The following ARAP2 variants were observed in gnomAD, a reference collection of about 807,000 sequenced individuals.
The protein encoded by ARAP2 is arf-GAP with Rho-GAP domain, ANK repeat and PH domain-containing protein 2.
ARAP2 carries 148 observed loss-of-function variants against 194.5 expected under a neutral mutation model. The observed-to-expected ratio is 0.76, with a 90% CI of 0.67 to 0.87. The LOEUF (loss-of-function observed/expected upper bound fraction) is 0.87, where lower values mean the gene tolerates loss of function less well. Ranked by LOEUF, ARAP2 falls within the 40% of genes least tolerant of loss-of-function variation. ARAP2 has a pLI of 0.00. For synonymous variants in ARAP2, 695 were observed against 683.5 expected, an observed-to-expected ratio of 1.02 and a Z score of -0.26; for missense variants, 2,128 against 1,989.7, an observed-to-expected ratio of 1.07 and a Z score of -1.32.
At chr4:36,144,737 T>C (rs1729213271) in intron 19 of ARAP2, among the ~76,000 whole-genome samples, 2 of 151,882 alleles carry the variant, frequency 1.3e-5, no homozygotes, top group Admixed American at 6.6e-5. Context: ...TATTTAGCTA[T>C]ATTTTTATAT....
At chr4:36,151,299 A>G (rs1730916032) in intron 15 of ARAP2, among the ~76,000 whole-genome samples, 1 of 152,240 alleles carries the variant, frequency 6.6e-6, no homozygotes, top group Non-Finnish European at 1.5e-5. Flanking sequence ...GAGAAGGCAG[A>G]GCTGTAAAGA....
At chr4:36,063,723 G>T (rs755931310), downstream of ARAP2, among the ~76,000 whole-genome samples, 1 of 152,110 alleles carries the variant, frequency 6.6e-6, no homozygotes, top group Non-Finnish European at 1.5e-5. Context: ...CTTGTTCCTT[G>T]TTCCACCTCC....
chr4:36,117,398 A>G (rs764328772), intron 24 of ARAP2, among the ~76,000 whole-genome samples: 31 of 151,716 alleles, frequency 2.0e-4, no homozygotes, highest in Non-Finnish European at 3.2e-4. Flanking sequence ...AGTACTCTCA[A>G]ATACCTTACA....
At position 36,124,938 on chromosome 4, in the gene ARAP2, T is replaced by C; in HGVS notation, c.3670A>G (p.Lys1224Glu). 6.2e-7 allele frequency: 1 copy of C among 1,610,572 alleles called. No homozygotes were observed. Among genetic ancestry groups the C allele is most frequent in the Non-Finnish European group, 8.5e-7 (1 of 1,177,864 alleles). Residue 1224 changes from lysine (K) to glutamate (E), a missense_variant, in exon 22 of 33, where the codon AAA becomes GAA. Transcript: ENST00000303965. ...AGAGAACGTATAAATGCTCCATATT[T>C]TTTAATTCTTTCCTTGTCATCTTGC... ...DTQDDKERIKKYGAFIRSLPG... is the reference protein window; with the variant it reads ...DTQDDKERIKEYGAFIRSLPG...
chr4:36,145,308 G>GA (rs1266346924), intron 19 of ARAP2, among the ~76,000 whole-genome samples: 4 of 151,934 alleles, frequency 2.6e-5, no homozygotes. Context: ...ACGGGCTAAG[G>GA]AAAATGTCGT....
intron 2 of ARAP2, among the ~76,000 whole-genome samples, chr4:36,221,109 G>T (rs1460296436): frequency 2.0e-5 from 3 of 151,830 alleles, no homozygotes; most frequent in Non-Finnish European, 4.4e-5. Flanking sequence ...ATCTACTATT[G>T]TCTTACAATT....
intron 20 of ARAP2, among the ~76,000 whole-genome samples, chr4:36,129,253 G>C (rs1264024903): frequency 2.6e-5 from 4 of 151,870 alleles, no homozygotes; most frequent in Non-Finnish European, 4.4e-5. Flanking sequence ...AAGGAGCAGT[G>C]GTTAGGAGGA....
At chr4:36,014,367 A>G (rs1331939700) in intron 8 of ARAP2, among the ~76,000 whole-genome samples, 1 of 136,184 alleles carries the variant, frequency 7.3e-6, no homozygotes. Context: ...AGAAAGAAAG[A>G]AAGAAAGAAA....
At chr4:36,062,437 T>TTGGAATA (rs1724597902), downstream of ARAP2, among the ~76,000 whole-genome samples, 1 of 152,078 alleles carries the variant, frequency 6.6e-6, no homozygotes, top group Non-Finnish European at 1.5e-5. Flanking sequence ...TGTCCTTTAG[T>TTGGAATA]GAAGGACAGT....
intron 28 of ARAP2, among the ~76,000 whole-genome samples, chr4:36,089,218 G>C (rs1220167475): frequency 6.6e-6 from 1 of 152,094 alleles, no homozygotes; most frequent in African/African-American, 2.4e-5. Flanking sequence ...CTTATGCACA[G>C]ACTTATATGA....
intron 28 of ARAP2, among the ~76,000 whole-genome samples, chr4:36,090,796 A>G (rs544707276): frequency 5.3e-5 from 8 of 152,050 alleles, no homozygotes; most frequent in Admixed American, 1.3e-4. Context: ...AACAACTAAT[A>G]AGCACTAGGC....
chr4:36,072,365 T>C (rs1441136698), intron 32 of ARAP2, among the ~76,000 whole-genome samples: 1 of 152,042 alleles, frequency 6.6e-6, no homozygotes, highest in Non-Finnish European at 1.5e-5. Flanking sequence ...TGTTAAAAAT[T>C]GTCTCTGAAA....
intron 6 of ARAP2, among the ~76,000 whole-genome samples, chr4:36,198,286 G>C (rs1388489454): frequency 6.6e-6 from 1 of 152,196 alleles, no homozygotes; most frequent in African/African-American, 2.4e-5. Context: ...TGATCCGGGG[G>C]CTTTTATGGG....
intron 1 of ARAP2, among the ~76,000 whole-genome samples, chr4:36,243,448 T>C (rs1347488571): frequency 6.7e-6 from 1 of 150,110 alleles, no homozygotes; most frequent in Non-Finnish European, 1.5e-5. Flanking sequence ...CCCTAAGATG[T>C]CATTATTCCA....
At chr4:36,194,156 T>A (rs987399474) in intron 6 of ARAP2, among the ~76,000 whole-genome samples, 2 of 152,182 alleles carry the variant, frequency 1.3e-5, no homozygotes, top group Non-Finnish European at 1.5e-5. Context: ...ACAGAATCAT[T>A]TATAAGCATT....
chr4:36,067,940 T>A lies in ARAP2; in HGVS notation c.5082A>T (p.Pro1694=). 6.3e-7 allele frequency: 1 copy of A among 1,593,248 alleles called. No homozygotes were observed. The highest frequency in any genetic ancestry group is 2.2e-5 in the East Asian group (1 of 44,586). ...AAATCTGCTCATCCTGTAATTCTTT[T>A]GGAAGGGTTCTTGACCGTTGTAGAA... ...NVVLQRSRTL[P]KELQDEQILK Residue 1694 remains proline, a synonymous_variant, in exon 33 of 33, where the codon CCA becomes CCT. Coordinates refer to ENST00000303965, the MANE Select transcript of ARAP2 (RefSeq NM_015230.4).
At chr4:36,117,249 G>A (rs1721585254) in intron 24 of ARAP2, 114 bp from the exon 25 acceptor site, 4 of 702,892 alleles carry the variant, frequency 5.7e-6, no homozygotes, top group African/African-American at 5.7e-5. Context: ...TTATAACAAT[G>A]AAACAAGCTC....
In ARAP2 at chr4:36,133,330, T is replaced by A. The variant is rs200208213; in HGVS notation, c.3323A>T (p.Glu1108Val). The A allele has an allele frequency of 8.3e-5, 133 of 1,611,258 alleles. No individual in the cohort carries two copies. The highest frequency in any genetic ancestry group is 6.5e-5 in the Non-Finnish European group (76 of 1,178,274). The change falls in exon 20 of 33, where the codon GAA becomes GTA. Residue 1108 changes from glutamate to valine, a missense_variant. By Grantham distance (121) the Glu-to-Val change is moderately radical. Coordinates refer to ENST00000303965, the MANE Select transcript of ARAP2 (RefSeq NM_015230.4). ...LDFTVWHTAI[E>V]KAAGTDGNAL... ...ATTACCATCTGTACCTGCTGCTTTT[T>A]CAATTGCAGTATGCCAGACTGTGAA...
intron 7 of ARAP2, among the ~76,000 whole-genome samples, chr4:36,188,990 A>G (rs1741232452): frequency 6.6e-6 from 1 of 152,152 alleles, no homozygotes; most frequent in African/African-American, 2.4e-5. Context: ...CCAATCTCCC[A>G]TCCCTGACTT....
Sources: allele counts gnomAD v4.1 joint callset (sites outside exome capture counted in the v4.1 genomes callset), GRCh38; gene constraint gnomAD v4.1.1; transcripts MANE v1.5; gene names NCBI Gene and HGNC (gene_info 2026-07-23, HGNC 2026-07-21).